Variants in MYO10 observed in about 807,000 individuals in gnomAD.
The protein encoded by MYO10 is unconventional myosin-X.
MYO10 carries 133 observed loss-of-function variants against 257.3 expected under a neutral mutation model. The observed-to-expected ratio is 0.52, with a 90% confidence interval of 0.45 to 0.60. The LOEUF is 0.60. Among genes scored for constraint, MYO10 ranks in the 20% least tolerant of loss-of-function variants. The pLI is 0.00. For synonymous variants in MYO10, 1,104 were observed against 1,028.6 expected, an observed-to-expected ratio of 1.07 and a Z score of -1.40; for missense variants, 2,399 against 2,635.7, an observed-to-expected ratio of 0.91 and a Z score of 1.97.
intron 1 of MYO10, among the ~76,000 whole-genome samples, chr5:16,880,939 C>T (rs1561035651): frequency 2.0e-5 from 3 of 152,322 alleles, no homozygotes; most frequent in African/African-American, 7.2e-5. Flanking sequence ...CTTTAATTCA[C>T]ATGTCAGGGA....
chr5:16,701,674 C>A lies in MYO10; in HGVS notation c.2721G>T (p.Gln907His), dbSNP rs1738086116. 6.2e-7 allele frequency: 1 copy of A among 1,613,992 alleles called. No individual in the cohort carries two copies. Among genetic ancestry groups the A allele is most frequent in the East Asian group, 2.2e-5 (1 of 44,864 alleles). Residue 907 changes from glutamine (Q) to histidine (H), a missense_variant, in exon 25 of 41, where the codon CAG (glutamine) becomes CAT (histidine). Coordinates refer to ENST00000513610, the MANE Select transcript of MYO10 (RefSeq NM_012334.3). This position sits in a 1 kb window ranked among gnomAD's most constrained non-coding sequence, Gnocchi z 8.1. ...GGGAAGCCTCGGTCAGCGACAGCTC[C>A]TGCTGCTCCTTCATGCGCTGCAGGT... ...IEDLQRMKEQ[Q>H]ELSLTEASLQ...
intron 1 of MYO10, among the ~76,000 whole-genome samples, chr5:16,894,042 A>G (rs1177460055): frequency 7.1e-6 from 1 of 141,684 alleles, no homozygotes; most frequent in African/African-American, 2.8e-5. Context: ...TTTCCAGACA[A>G]GTTGCAAAGA....
chr5:16,676,486 G>A (rs769855146), intron 33 of MYO10, among the ~76,000 whole-genome samples: 6 of 152,204 alleles, frequency 3.9e-5, no homozygotes, highest in Admixed American at 2.0e-4. Flanking sequence ...GGAGGCTGAC[G>A]CAGGTGGATC....
At chr5:16,866,218 T>C (rs1366013938) in intron 2 of MYO10, among the ~76,000 whole-genome samples, 1 of 152,164 alleles carries the variant, frequency 6.6e-6, no homozygotes, top group African/African-American at 2.4e-5. Flanking sequence ...AATACAAATG[T>C]TACAGCTGTG....
chr5:16,823,418 C>G (rs1394777898), intron 2 of MYO10, among the ~76,000 whole-genome samples: 1 of 98,164 alleles, frequency 1.0e-5, no homozygotes, highest in Non-Finnish European at 1.9e-5. Flanking sequence ...GCACTCCAGT[C>G]TGGATGACAG....
intron 3 of MYO10, among the ~76,000 whole-genome samples, chr5:16,808,232 G>T (rs950176620): frequency 2.6e-5 from 4 of 152,208 alleles, no homozygotes; most frequent in African/African-American, 9.6e-5. Flanking sequence ...GGAAGCCCAG[G>T]TGGGAGGATC....
At chr5:16,764,132 G>C in intron 12 of MYO10, 118 bp downstream of exon 12, 2 of 1,170,840 alleles carry the variant, frequency 1.7e-6, no homozygotes, top group East Asian at 2.4e-5. Context: ...GGGATACAGA[G>C]TGAGACTCCT....
chr5:16,708,330 T>C (rs1738436823), intron 21 of MYO10, among the ~76,000 whole-genome samples: 1 of 152,214 alleles, frequency 6.6e-6, no homozygotes, highest in Non-Finnish European at 1.5e-5. Flanking sequence ...TGTGTGTGAA[T>C]ATCTTATCTT....
chr5:16,668,216 G>T (rs1736266601), intron 40 of MYO10, 61 bp downstream of exon 40: 1 of 1,492,934 alleles, frequency 6.7e-7, no homozygotes, highest in Admixed American at 2.1e-5. Flanking sequence ...AGGAAATGGG[G>T]TCCTGTTTTT....
At chr5:16,826,791 T>C (rs1038984907) in intron 2 of MYO10, among the ~76,000 whole-genome samples, 6 of 152,342 alleles carry the variant, frequency 3.9e-5, no homozygotes, top group East Asian at 1.9e-4. Flanking sequence ...CCTCCTTTCG[T>C]GTATTGGCTC....
intron 30 of MYO10, among the ~76,000 whole-genome samples, chr5:16,682,975 T>C (rs989515944): frequency 6.6e-6 from 1 of 152,008 alleles, no homozygotes; most frequent in Non-Finnish European, 1.5e-5. Context: ...GAAACTCACA[T>C]ACCAGAATAA....
At chr5:16,768,836 T>C (rs1740960706) in intron 10 of MYO10, among the ~76,000 whole-genome samples, 1 of 151,772 alleles carries the variant, frequency 6.6e-6, no homozygotes. Flanking sequence ...CCATCATGCC[T>C]GGCTAATTTT....
intron 19 of MYO10, among the ~76,000 whole-genome samples, chr5:16,737,551 AAC>A (rs1183187800): frequency 6.6e-6 from 1 of 152,278 alleles, no homozygotes; most frequent in African/African-American, 2.4e-5. Context: ...TGAATAGTAA[AAC>A]ACACAGTTAA....
chr5:16,785,041 T>G (rs542545744), intron 4 of MYO10, among the ~76,000 whole-genome samples: 2 of 152,164 alleles, frequency 1.3e-5, no homozygotes, highest in Non-Finnish European at 2.9e-5. Flanking sequence ...ATGTCCCTTT[T>G]GCGGCAGACA....
At chr5:16,735,091 G>A (rs1210095007) in intron 19 of MYO10, among the ~76,000 whole-genome samples, 2 of 152,200 alleles carry the variant, frequency 1.3e-5, no homozygotes, top group African/African-American at 4.8e-5. Context: ...CCACCATGAT[G>A]TGTGGCCTCC....
chr5:16,681,481 C>T lies in MYO10; in HGVS notation c.4212G>A (p.Lys1404=), dbSNP rs1179471396. Residue 1404 remains lysine, a synonymous_variant, in exon 32 of 41, where the codon AAG becomes AAA. Transcript: ENST00000513610. ...TCAGTGAAGACATCTTTGGACTGTT[C>T]TTCACCTCTTTGTGCAACCATCCTG... ...IVRGWLHKEV[K]NSPKMSSLKL... 6.2e-7 allele frequency: 1 copy of T among 1,602,936 alleles called. No individual in the cohort carries two copies. The highest frequency in any genetic ancestry group is 8.5e-7 in the Non-Finnish European group (1 of 1,177,376).
At chr5:16,758,015 A>G (rs1382136618) in intron 18 of MYO10, 103 bp downstream of exon 18, 3 of 893,370 alleles carry the variant, frequency 3.4e-6, no homozygotes, top group Admixed American at 2.2e-5. Context: ...GGAAACAAAA[A>G]TAAACAAATA....
intron 27 of MYO10, among the ~76,000 whole-genome samples, chr5:16,693,094 C>A (rs1386010186): frequency 1.3e-5 from 2 of 152,148 alleles, no homozygotes; most frequent in South Asian, 2.1e-4. Flanking sequence ...TGGCGAAACC[C>A]CGTCTCTACC....
intron 3 of MYO10, among the ~76,000 whole-genome samples, chr5:16,808,679 T>C (rs878954914): frequency 2.0e-5 from 3 of 152,188 alleles, no homozygotes; most frequent in Admixed American, 2.0e-4. Context: ...TCTTTTTTAT[T>C]ATTATTATTT....
Sources: gnomAD v4.1 joint callset for allele counts (sites outside exome capture counted in the v4.1 genomes callset) on GRCh38, gnomAD v4.1.1 for gene constraint, Gnocchi (gnomAD v3.1) non-coding constraint, MANE v1.5 for transcripts, NCBI Gene and HGNC (gene_info 2026-07-23, HGNC 2026-07-21) for gene names.